SEL1L2: variants seen among roughly 807,000 people sequenced by gnomAD.
SEL1L2 encodes the protein protein sel-1 homolog 2.
SEL1L2 carries 89 observed loss-of-function variants against 98.8 expected under a neutral mutation model. The observed-to-expected ratio is 0.90, with a 90% CI of 0.76 to 1.07. The LOEUF is 1.07. Among genes scored for constraint, SEL1L2 ranks in the 50% least tolerant of loss-of-function variants. The probability of loss-of-function intolerance (pLI) is 0.00; values close to 1 mark genes in which losing one functional copy is unlikely to be tolerated. For synonymous variants in SEL1L2, 262 were observed against 278.5 expected (o/e 0.94, Z 0.59); for missense variants, 788 against 812.0 (o/e 0.97, Z 0.36).
At chr20:13,961,942 G>GT (rs2050795070) in intron 1 of SEL1L2, among the ~76,000 whole-genome samples, 1 of 152,126 alleles carries the variant, frequency 6.6e-6, no homozygotes, top group South Asian at 2.1e-4. Context: ...GTGTACATTG[G>GT]GTATGTGAAG....
intron 4 of SEL1L2, among the ~76,000 whole-genome samples, chr20:13,914,181 A>G (rs549132056): frequency 6.6e-6 from 1 of 152,334 alleles, no homozygotes; most frequent in African/African-American, 2.4e-5. Flanking sequence ...AATATATAAC[A>G]TACACCATCT....
At chr20:13,904,812 C>G (rs2047847808) in intron 5 of SEL1L2, among the ~76,000 whole-genome samples, 1 of 152,120 alleles carries the variant, frequency 6.6e-6, no homozygotes, top group African/African-American at 2.4e-5. Flanking sequence ...TTTAGTTATG[C>G]AGAAACACTG....
intron 1 of SEL1L2, among the ~76,000 whole-genome samples, chr20:13,961,085 C>T (rs1313623428): frequency 2.0e-5 from 3 of 152,110 alleles, no homozygotes; most frequent in Non-Finnish European, 4.4e-5. Flanking sequence ...ACCAAAATAG[C>T]AAGCACAGAA....
upstream of SEL1L2, chr20:13,990,616 T>C: frequency 9.3e-7 from 1 of 1,080,604 alleles, no homozygotes; most frequent in Non-Finnish European, 1.4e-6. Context: ...TCAGGGACTG[T>C]GGTGGGGGCA....
At chr20:13,890,184 G>T (rs1471696945) in intron 5 of SEL1L2, among the ~76,000 whole-genome samples, 1 of 152,180 alleles carries the variant, frequency 6.6e-6, no homozygotes, top group Non-Finnish European at 1.5e-5. Context: ...TCTACCTTGG[G>T]AGGGAAAGAG....
chr20:13,854,999 G>A (rs540743854), intron 18 of SEL1L2, among the ~76,000 whole-genome samples: 1 of 136,358 alleles, frequency 7.3e-6, no homozygotes, highest in African/African-American at 2.8e-5. Flanking sequence ...TGCAGTGACC[G>A]AAGATTGCAC....
chr20:13,911,524 G>T (rs111360920), intron 5 of SEL1L2, among the ~76,000 whole-genome samples: 27 of 152,164 alleles, frequency 1.8e-4, no homozygotes, highest in African/African-American at 6.5e-4. Context: ...GGGAATGAAG[G>T]TTTAGCAGCT....
intron 2 of SEL1L2, among the ~76,000 whole-genome samples, chr20:13,947,944 C>T (rs952841930): frequency 2.6e-5 from 4 of 152,246 alleles, no homozygotes; most frequent in Non-Finnish European, 5.9e-5. Context: ...GCACCCTTCA[C>T]CACTCCATGC....
rs549716951 is a variant in SEL1L2, at chr20:13,959,225, A to G, written c.59-3094T>C. 1.3e-4 allele frequency among the ~76,000 whole-genome samples: 20 copies of G among 152,274 alleles called. No individual in the cohort carries two copies. The South Asian group carries it at 4.1e-3, about 32-fold the overall frequency. ...TTAACAACGAACATTTCTCGATTGG[A>G]TTGTGATGGGCAACGAAAAGGGGAT... On this transcript the variant is annotated intron_variant, in intron 1 of 19. Transcript: ENST00000284951.
At chr20:13,985,946 T>A (rs961403338) in intron 1 of SEL1L2, among the ~76,000 whole-genome samples, 1 of 152,238 alleles carries the variant, frequency 6.6e-6, no homozygotes, top group East Asian at 1.9e-4. Flanking sequence ...GCTTAGCATG[T>A]ATTCAAGGTT....
At position 13,886,456 on chromosome 20, in the gene SEL1L2, C is replaced by A; in HGVS notation, c.746-14G>T. The A allele has an allele frequency of 2.5e-6, 4 of 1,611,102 alleles. No homozygotes were observed. The highest frequency in any genetic ancestry group is 3.4e-6 in the Non-Finnish European group (4 of 1,178,906). On this transcript the variant is annotated splice_polypyrimidine_tract_variant and intron_variant, in intron 8 of 19. Transcript: ENST00000284951. The stretch of plus-strand genomic sequence containing the variant: ...ATGTGTCAGCAACTGTGAATAAAAA[C>A]AAGCCAGAGAATAGCTAGAAAACAG...
At chr20:13,985,086 C>T (rs1166142852) in intron 1 of SEL1L2, among the ~76,000 whole-genome samples, 2 of 151,922 alleles carry the variant, frequency 1.3e-5, no homozygotes, top group African/African-American at 2.4e-5. Context: ...TTTAACCAAC[C>T]GTTGGATATC....
intron 10 of SEL1L2, among the ~76,000 whole-genome samples, chr20:13,882,929 G>C (rs2046780024): frequency 6.8e-6 from 1 of 146,472 alleles, no homozygotes; most frequent in African/African-American, 2.5e-5. Flanking sequence ...CCATTCTCCT[G>C]CCTCAGCCTC....
At chr20:13,905,872 T>C (rs999492454) in intron 5 of SEL1L2, among the ~76,000 whole-genome samples, 1 of 110,496 alleles carries the variant, frequency 9.1e-6, no homozygotes, top group African/African-American at 3.5e-5. Context: ...TTTCTTTTCC[T>C]TTTTTTTTTT....
intron 2 of SEL1L2, among the ~76,000 whole-genome samples, chr20:13,936,056 T>C (rs1316796765): frequency 6.6e-6 from 1 of 152,224 alleles, no homozygotes; most frequent in African/African-American, 2.4e-5. Flanking sequence ...AGACTAGCTA[T>C]AGCTCTTCAT....
chr20:13,853,402 C>T (rs551215194), intron 18 of SEL1L2, among the ~76,000 whole-genome samples: 22 of 150,928 alleles, frequency 1.5e-4, no homozygotes, highest in Admixed American at 1.2e-3. Context: ...TTTGTAGAGA[C>T]GGGGTTTCAC....
chr20:13,897,795 G>C (rs143901908), intron 5 of SEL1L2, among the ~76,000 whole-genome samples: 2 of 152,204 alleles, frequency 1.3e-5, no homozygotes, highest in African/African-American at 4.8e-5. Flanking sequence ...AACCCAAAAG[G>C]TGGAGGTTGA....
intron 2 of SEL1L2, among the ~76,000 whole-genome samples, chr20:13,934,337 A>T: frequency 8.6e-6 from 1 of 116,160 alleles, no homozygotes; most frequent in Non-Finnish European, 1.7e-5. Context: ...CCATATATAT[A>T]TATTCCATAT....
At chr20:13,979,984 A>T (rs2051732891) in intron 1 of SEL1L2, among the ~76,000 whole-genome samples, 1 of 152,218 alleles carries the variant, frequency 6.6e-6, no homozygotes, top group South Asian at 2.1e-4. Flanking sequence ...TATCTAAAAT[A>T]TATAAGAAAC....
Sources: allele counts gnomAD v4.1 joint callset (sites outside exome capture counted in the v4.1 genomes callset), GRCh38; gene constraint gnomAD v4.1.1; transcripts MANE v1.5; gene names NCBI Gene and HGNC (gene_info 2026-07-23, HGNC 2026-07-21).